Variants in VTI1A observed in about 807,000 individuals in gnomAD.
VTI1A encodes the protein vesicle transport through interaction with t-SNAREs homolog 1A.
VTI1A carries 22 observed loss-of-function variants against 34.9 expected under a neutral mutation model. That is an observed-to-expected ratio of 0.63 (90% CI 0.45 to 0.90). The LOEUF is 0.90. Among genes scored for constraint, VTI1A ranks in the 40% least tolerant of loss-of-function variants. The pLI, the probability that VTI1A is intolerant of heterozygous loss-of-function variation, is 0.00. For missense variants in VTI1A, 268 were observed against 275.6 expected (o/e 0.97, Z 0.20); for synonymous variants, 87 against 97.3 (o/e 0.89, Z 0.62).
rs972732165 is a variant in VTI1A, at chr10:112,526,708, GA to G, written c.265-368del. ...AATGTCCATTTCCTGCCACAATATT[GA>G]AAAAAAAAAACATATACTCCTGTCT... On this transcript the variant is annotated intron_variant, in intron 3 of 7. Transcript: ENST00000393077. 5.1e-3 allele frequency among the ~76,000 whole-genome samples: 735 copies of G among 143,350 alleles called. 4 individuals are homozygous for G. The highest frequency in any genetic ancestry group is 0.014 in the Middle Eastern group (4 of 280). The allele number at this position is 143,350 out of a possible 152,430, so 94.0% of individuals were successfully genotyped here.
intron 3 of VTI1A, among the ~76,000 whole-genome samples, chr10:112,506,244 T>C (rs1001752329): frequency 2.0e-5 from 3 of 152,148 alleles, no homozygotes; most frequent in African/African-American, 7.2e-5. Flanking sequence ...TATCTAAATA[T>C]AGAAAAGGTA....
At chr10:112,587,052 G>C (rs1196258045) in intron 5 of VTI1A, among the ~76,000 whole-genome samples, 1 of 152,260 alleles carries the variant, frequency 6.6e-6, no homozygotes, top group East Asian at 1.9e-4. Context: ...TTTAGGATCT[G>C]AGTAGGGTTT....
chr10:112,814,821 T>TG (rs1215327708), intron 7 of VTI1A, among the ~76,000 whole-genome samples: 2 of 152,206 alleles, frequency 1.3e-5, no homozygotes, highest in African/African-American at 2.4e-5. Context: ...CCTTAGTCTC[T>TG]GTTTTACTTT....
chr10:112,461,873 C>T (rs1055496191), intron 2 of VTI1A, among the ~76,000 whole-genome samples: 1 of 152,192 alleles, frequency 6.6e-6, no homozygotes, highest in South Asian at 2.1e-4. Context: ...CAATACCACA[C>T]TTGGCTACTT....
chr10:112,571,300 G>A (rs1194317998), intron 5 of VTI1A, among the ~76,000 whole-genome samples: 8 of 152,102 alleles, frequency 5.3e-5, no homozygotes, highest in Non-Finnish European at 1.2e-4. Flanking sequence ...AATATCTCAT[G>A]TATCCAGTGA....
chr10:112,456,535 A>G (rs1847532906), intron 1 of VTI1A, among the ~76,000 whole-genome samples: 1 of 152,096 alleles, frequency 6.6e-6, no homozygotes, highest in South Asian at 2.1e-4. Flanking sequence ...GGTATGTCTC[A>G]GGACCTCGCC....
the VTI1A span, among the ~76,000 whole-genome samples, chr10:112,843,618 A>C: frequency 1.3e-5 from 2 of 152,312 alleles, no homozygotes; most frequent in East Asian, 3.9e-4. Context: ...TGGAGTTAAC[A>C]CCCATAAACC....
chr10:112,744,212 T>C (rs530423380), intron 7 of VTI1A, among the ~76,000 whole-genome samples: 78 of 152,320 alleles, frequency 5.1e-4, no homozygotes, highest in African/African-American at 1.8e-3. Context: ...ACATCTCCTC[T>C]TGTATAAGCT....
intron 5 of VTI1A, among the ~76,000 whole-genome samples, chr10:112,647,122 G>C (rs544782465): frequency 1.3e-5 from 2 of 152,174 alleles, no homozygotes; most frequent in South Asian, 4.1e-4. Flanking sequence ...AAAAAAATGA[G>C]TGGAGAGCCC....
chr10:112,464,388 T>A (rs538031216), intron 2 of VTI1A, among the ~76,000 whole-genome samples, 159 bp from the exon 3 acceptor site: 74 of 152,340 alleles, frequency 4.9e-4, no homozygotes, highest in African/African-American at 1.7e-3. Flanking sequence ...AAAAATTAAG[T>A]GTAAAAGTAG....
chr10:112,564,641 T>G (rs2134342625), intron 5 of VTI1A, among the ~76,000 whole-genome samples: 1 of 152,250 alleles, frequency 6.6e-6, no homozygotes, highest in African/African-American at 2.4e-5. Flanking sequence ...GTGCAAATTT[T>G]GAATATGGTT....
chr10:112,807,207 A>G (rs1283301609), intron 7 of VTI1A, among the ~76,000 whole-genome samples: 1 of 152,268 alleles, frequency 6.6e-6, no homozygotes, highest in Admixed American at 6.5e-5. Context: ...ACGAAACCCA[A>G]GATAAGATCA....
At chr10:112,768,807 T>C (rs1379477686) in intron 7 of VTI1A, among the ~76,000 whole-genome samples, 1 of 152,208 alleles carries the variant, frequency 6.6e-6, no homozygotes, top group African/African-American at 2.4e-5. Flanking sequence ...AAATGTGTTA[T>C]AATCATGGAG....
At position 112,601,587 on chromosome 10, in the gene VTI1A, A is replaced by G. The variant is rs186397768; in HGVS notation, c.427+63257A>G. On this transcript the variant is annotated intron_variant, in intron 5 of 7. Transcript: ENST00000393077. The stretch of plus-strand genomic sequence containing the variant: ...TCTTAGTTGTTCCGTGCCTCATCCT[A>G]GGAAGTAGGTTTGTCCTGTTTGCTT... Among the ~76,000 whole-genome samples, 6 of 152,146 alleles carry G rather than the reference A, an allele frequency of 3.9e-5. No individual in the cohort carries two copies. The East Asian group carries it at 1.2e-3, about 29-fold the overall frequency.
At chr10:112,829,127 C>T in the VTI1A span, among the ~76,000 whole-genome samples, 1 of 152,220 alleles carries the variant, frequency 6.6e-6, no homozygotes, top group East Asian at 1.9e-4. Flanking sequence ...TTTGAGGACA[C>T]ATTTGAAACA....
At chr10:112,521,504 AGG>A (rs1850028024) in intron 3 of VTI1A, among the ~76,000 whole-genome samples, 1 of 152,046 alleles carries the variant, frequency 6.6e-6, no homozygotes, top group Non-Finnish European at 1.5e-5. Flanking sequence ...ACAAGGTGTT[AGG>A]GTAGGTTTGC....
rs1015980530 is a variant in VTI1A, at chr10:112,816,772, T to G, written c.*1389T>G. ...CTCTTCATCAAAAATGCTAACCACC[T>G]GTGCCCGTGGATCAATATCACCTGG... On this transcript the variant is annotated 3_prime_UTR_variant, in exon 8 of 8. Transcript: ENST00000393077. 2 of 227,904 alleles carry G rather than the reference T, an allele frequency of 8.8e-6. No homozygotes were observed. The highest frequency in any genetic ancestry group is 2.2e-5 in the African/African-American group (1 of 45,048). The allele number at this position is 227,904 out of a possible 1,614,324, so 14.1% of individuals were successfully genotyped here.
intron 7 of VTI1A, among the ~76,000 whole-genome samples, chr10:112,766,070 A>T (rs925952777): frequency 2.6e-5 from 4 of 152,242 alleles, no homozygotes; most frequent in Non-Finnish European, 5.9e-5. Flanking sequence ...GAATTAGGCC[A>T]GTGTGTCTGG....
chr10:112,628,376 A>G (rs1846002042), intron 5 of VTI1A, among the ~76,000 whole-genome samples: 1 of 152,204 alleles, frequency 6.6e-6, no homozygotes, highest in African/African-American at 2.4e-5. Context: ...TTTGAATTCT[A>G]TCAGTGAAAA....
Sources: gnomAD v4.1 joint callset for allele counts (sites outside exome capture counted in the v4.1 genomes callset) on GRCh38, gnomAD v4.1.1 for gene constraint, MANE v1.5 for transcripts, NCBI Gene and HGNC (gene_info 2026-07-23, HGNC 2026-07-21) for gene names.